LRPPRC: variants seen among roughly 807,000 people sequenced by gnomAD.
The protein encoded by LRPPRC is leucine-rich PPR motif-containing protein, mitochondrial.
In LRPPRC, 120 loss-of-function variants were observed where a neutral mutation model predicts 180.3. The observed-to-expected ratio is 0.67, with a 90% CI of 0.57 to 0.77. LRPPRC has a LOEUF of 0.77. Among genes scored for constraint, LRPPRC ranks in the 30% least tolerant of loss-of-function variants. LRPPRC has a pLI of 0.00. For synonymous variants in LRPPRC, 723 were observed against 600.0 expected, an observed-to-expected ratio of 1.21 and a Z score of -3.00; for missense variants, 2,012 against 1,657.2, an observed-to-expected ratio of 1.21 and a Z score of -3.72.
At chr2:43,944,935 C>T (rs111240349) in intron 22 of LRPPRC, among the ~76,000 whole-genome samples, 2 of 152,064 alleles carry the variant, frequency 1.3e-5, no homozygotes, top group African/African-American at 4.8e-5. Flanking sequence ...AAAATTCAGG[C>T]GCATATATTA....
chr2:43,978,772 T>C (rs565788020), intron 3 of LRPPRC, among the ~76,000 whole-genome samples: 2 of 152,208 alleles, frequency 1.3e-5, no homozygotes, highest in African/African-American at 4.8e-5. Context: ...ACATAGGTCC[T>C]ACTCACTTTT....
intron 34 of LRPPRC, among the ~76,000 whole-genome samples, chr2:43,898,877 C>T (rs1269149978): frequency 6.6e-6 from 1 of 152,124 alleles, no homozygotes; most frequent in Non-Finnish European, 1.5e-5. Context: ...AGTAGAAAAT[C>T]AAAGGAATTG....
At chr2:43,950,263 C>A (rs1672847163) in intron 15 of LRPPRC, among the ~76,000 whole-genome samples, 1 of 151,806 alleles carries the variant, frequency 6.6e-6, no homozygotes, top group Non-Finnish European at 1.5e-5. Flanking sequence ...GCAGGATGTG[C>A]AGGTTTGTTA....
Position 43,974,762 on chromosome 2 carries a change from T to C in LRPPRC, c.865-4A>G, listed in dbSNP as rs916522926. 6.2e-6 allele frequency: 10 copies of C among 1,612,836 alleles called. No homozygotes were observed. The highest frequency in any genetic ancestry group is 2.7e-5 in the African/African-American group (2 of 74,886). ...ACTTCTCCACCTTCTCCAGAGTCTA[T>C]AGAGAGTTCCAGAAATTAGAAGACA... On this transcript the variant is annotated splice_region_variant and splice_polypyrimidine_tract_variant and intron_variant, in intron 7 of 37. Transcript: ENST00000260665.
At chr2:43,905,555 C>A (rs1449454133) in intron 31 of LRPPRC, 137 bp downstream of exon 31, 1 of 736,882 alleles carries the variant, frequency 1.4e-6, no homozygotes, top group Non-Finnish European at 2.5e-6. Context: ...TAATTTATGT[C>A]TCTCAGCTAC....
intron 13 of LRPPRC, among the ~76,000 whole-genome samples, chr2:43,959,889 T>TAAATA (rs996862101): frequency 4.9e-4 from 74 of 151,996 alleles, no homozygotes; most frequent in African/African-American, 1.1e-3. Context: ...GTCTCAAAAA[T>TAAATA]AAATAAAATA....
intron 1 of LRPPRC, among the ~76,000 whole-genome samples, chr2:43,992,755 A>G (rs1674841343): frequency 6.6e-6 from 1 of 152,192 alleles, no homozygotes; most frequent in Non-Finnish European, 1.5e-5. Context: ...GCAGGTAGAA[A>G]CAGCAACATT....
intron 1 of LRPPRC, among the ~76,000 whole-genome samples, chr2:43,994,015 C>G (rs985818562): frequency 6.6e-6 from 1 of 152,100 alleles, no homozygotes; most frequent in African/African-American, 2.4e-5. Flanking sequence ...CGAGACCACC[C>G]TTTCTACTAA....
chr2:43,945,570 A>G (rs1330712760), intron 21 of LRPPRC, among the ~76,000 whole-genome samples, 153 bp from the exon 22 acceptor site: 1 of 152,114 alleles, frequency 6.6e-6, no homozygotes, highest in African/African-American at 2.4e-5. Context: ...TTGAAGCCAT[A>G]TACAAGTTCA....
intron 29 of LRPPRC, among the ~76,000 whole-genome samples, chr2:43,916,566 C>T (rs1329419739): frequency 1.3e-5 from 2 of 151,992 alleles, no homozygotes; most frequent in East Asian, 3.8e-4. Flanking sequence ...ATAATATGTG[C>T]CACAAAAAGT....
intron 27 of LRPPRC, among the ~76,000 whole-genome samples, chr2:43,921,082 A>G (rs1671682778): frequency 6.6e-6 from 1 of 152,202 alleles, no homozygotes; most frequent in Non-Finnish European, 1.5e-5. Flanking sequence ...AGTTGAGGCC[A>G]GGAGTTCGAG....
Position 43,945,514 on chromosome 2 carries a change from A to G in LRPPRC, c.2211-97T>C, listed in dbSNP as rs1425725472. 1.0e-5 allele frequency: 8 copies of G among 762,736 alleles called. No individual in the cohort carries two copies. The Admixed American group carries it at 1.5e-4, about 14-fold the overall frequency. The allele number at this position is 762,736 out of a possible 1,614,324, so 47.2% of individuals were successfully genotyped here. On this transcript the variant is annotated intron_variant, in intron 21 of 37. Transcript: ENST00000260665. ...AATCACTTTTCAAAAGCTCATCAGA[A>G]GACCTGAACTAATGTTGGCCTCTAC... is the stretch of plus-strand genomic sequence containing the variant.
At chr2:43,978,753 G>GC (rs1324033728) in intron 3 of LRPPRC, among the ~76,000 whole-genome samples, 1 of 151,870 alleles carries the variant, frequency 6.6e-6, no homozygotes, top group African/African-American at 2.4e-5. Context: ...TTATCCTGTA[G>GC]TTTTTTTCAC....
intron 36 of LRPPRC, among the ~76,000 whole-genome samples, chr2:43,893,491 T>C (rs554390028): frequency 2.0e-5 from 3 of 152,348 alleles, no homozygotes; most frequent in African/African-American, 7.2e-5. Context: ...CAAGACCTTC[T>C]ACCAGCAAGA....
chr2:43,939,627 AAG>A (rs1672405624), intron 23 of LRPPRC, among the ~76,000 whole-genome samples: 1 of 152,254 alleles, frequency 6.6e-6, no homozygotes, highest in Non-Finnish European at 1.5e-5. Flanking sequence ...TTATTCTGTT[AAG>A]AGAACCAGCA....
chr2:43,918,802 T>C (rs1008248541), intron 27 of LRPPRC, among the ~76,000 whole-genome samples: 10 of 135,748 alleles, frequency 7.4e-5, no homozygotes, highest in Admixed American at 6.6e-4. Context: ...GATATATATA[T>C]ATATATAGAT....
At chr2:43,932,919 T>C (rs538906208) in intron 25 of LRPPRC, among the ~76,000 whole-genome samples, 6 of 152,316 alleles carry the variant, frequency 3.9e-5, no homozygotes, top group African/African-American at 1.2e-4. Flanking sequence ...CTGCAGAACC[T>C]CTCAGAGCTG....
Position 43,899,518 on chromosome 2 carries a change from T to C in LRPPRC, c.3657A>G (p.Ala1219=), listed in dbSNP as rs1273138728. 7 of 1,613,702 alleles carry C rather than the reference T, an allele frequency of 4.3e-6. No individual in the cohort carries two copies. Among genetic ancestry groups the C allele is most frequent in the Non-Finnish European group, 5.9e-6 (7 of 1,179,686 alleles). Residue 1219 remains alanine (A), a synonymous_variant, in exon 33 of 38, where the codon GCA becomes GCG. Coordinates refer to ENST00000260665, the MANE Select transcript of LRPPRC (RefSeq NM_133259.4). ...CCTCTATTACTTTTCTGAATAAGTA[T>C]GCCAAGCCGAAGTATTGGGGTTCAA... ...KVIEPQYFGL[A]YLFRKVIEEQ... is the part of the protein sequence containing the mutation.
intron 11 of LRPPRC, among the ~76,000 whole-genome samples, chr2:43,968,358 T>G (rs996632309): frequency 1.3e-5 from 2 of 152,218 alleles, no homozygotes; most frequent in Non-Finnish European, 2.9e-5. Flanking sequence ...TTTTCTGACC[T>G]ATAAGAGTCT....
Sources: allele counts gnomAD v4.1 joint callset (sites outside exome capture counted in the v4.1 genomes callset), GRCh38; gene constraint gnomAD v4.1.1; transcripts MANE v1.5; gene names NCBI Gene and HGNC (gene_info 2026-07-23, HGNC 2026-07-21).